TJP1: variants seen among roughly 807,000 people sequenced by gnomAD.
TJP1 encodes the protein tight junction protein ZO-1.
In TJP1, 43 loss-of-function variants were observed where a neutral mutation model predicts 194.2. The ratio of observed to expected loss-of-function variants is 0.22; its 90% confidence interval spans 0.17 to 0.29. The LOEUF (loss-of-function observed/expected upper bound fraction) is 0.29. TJP1 is among the 10% of genes least tolerant of loss of function. The pLI is 1.00. For synonymous variants in TJP1, 801 were observed against 779.0 expected (o/e 1.03, Z -0.47); for missense variants, 1,971 against 2,185.7 (o/e 0.90, Z 1.96).
In TJP1 at chr15:29,874,261, C is replaced by T. The variant is rs542027567; in HGVS notation, c.307-73559G>A. The stretch of plus-strand genomic sequence containing the variant: ...TGAGAAGGAGGGTGACAGAAGAGAA[C>T]GCCTGCAGGGTGACAGTAAAGGAGT... On this transcript the variant is annotated intron_variant, in intron 2 of 28. Coordinates refer to the TJP1 transcript ENST00000356107. Among the ~76,000 whole-genome samples the T allele has an allele frequency of 3.3e-5, 5 of 152,296 alleles. No homozygotes were observed. In the East Asian group the frequency reaches 7.7e-4, roughly 24 times the overall value.
chr15:29,877,678 TGA>T (rs1015118350), intron 2 of TJP1, among the ~76,000 whole-genome samples: 7 of 151,112 alleles, frequency 4.6e-5, no homozygotes, highest in African/African-American at 1.7e-4. Context: ...CTTTTTTTTT[TGA>T]GAGAGTCTCA....
chr15:29,869,644 C>T (rs2052426093), intron 2 of TJP1, among the ~76,000 whole-genome samples: 1 of 152,036 alleles, frequency 6.6e-6, no homozygotes, highest in Non-Finnish European at 1.5e-5. Context: ...GGCGACTTAT[C>T]AGTCCCTTGA....
intron 2 of TJP1, among the ~76,000 whole-genome samples, chr15:29,894,580 C>T (rs1329596283): frequency 1.3e-5 from 2 of 152,204 alleles, no homozygotes; most frequent in African/African-American, 2.4e-5. Flanking sequence ...GGCAGCCAAA[C>T]CCCATGGCTT....
chr15:29,862,499 G>A (rs2152104076), intron 2 of TJP1, among the ~76,000 whole-genome samples: 1 of 152,176 alleles, frequency 6.6e-6, no homozygotes, highest in Non-Finnish European at 1.5e-5. Context: ...CCTCTCAGCT[G>A]GAATGTTATG....
chr15:29,959,940 G>T (rs926911852), intron 1 of TJP1, among the ~76,000 whole-genome samples: 1 of 152,036 alleles, frequency 6.6e-6, no homozygotes, highest in African/African-American at 2.4e-5. Flanking sequence ...TGAAAACAAT[G>T]AACTTTATTC....
intron 2 of TJP1, among the ~76,000 whole-genome samples, chr15:29,832,334 A>G (rs2050862291): frequency 6.6e-6 from 1 of 152,108 alleles, no homozygotes; most frequent in Non-Finnish European, 1.5e-5. Flanking sequence ...GAGTGAGGGA[A>G]TTGTAGACCA....
intron 2 of TJP1, among the ~76,000 whole-genome samples, chr15:29,868,549 G>T (rs1042668003): frequency 1.3e-5 from 2 of 152,156 alleles, no homozygotes; most frequent in African/African-American, 4.8e-5. Flanking sequence ...GTCAAGCACA[G>T]TGTCTACCAC....
At chr15:29,710,279 T>A (rs1028478358) in intron 24 of TJP1, among the ~76,000 whole-genome samples, 16 of 152,062 alleles carry the variant, frequency 1.1e-4, no homozygotes, top group African/African-American at 3.1e-4. Flanking sequence ...CTATAACACA[T>A]CTGCTTGAAG....
chr15:29,883,582 T>C (rs1398035130), intron 2 of TJP1, among the ~76,000 whole-genome samples: 1 of 151,158 alleles, frequency 6.6e-6, no homozygotes, highest in Non-Finnish European at 1.5e-5. Context: ...TACGTGTCCT[T>C]TTTTTTTTCC....
intron 2 of TJP1, among the ~76,000 whole-genome samples, chr15:29,848,970 A>C (rs2051528155): frequency 6.6e-6 from 1 of 152,172 alleles, no homozygotes; most frequent in Non-Finnish European, 1.5e-5. Flanking sequence ...TTTTCACATA[A>C]GATAAATAGA....
intron 1 of TJP1, chr15:29,821,636 G>A (rs1198088421): frequency 6.6e-6 from 1 of 152,298 alleles, no homozygotes; most frequent in African/African-American, 2.4e-5. Context: ...CCCGCTGAGA[G>A]CCGGCTTCCA....
chr15:29,871,882 T>C (rs1324087159), intron 2 of TJP1, among the ~76,000 whole-genome samples: 3 of 152,192 alleles, frequency 2.0e-5, no homozygotes, highest in Non-Finnish European at 4.4e-5. Flanking sequence ...CCATAAGACA[T>C]GAGAAGTATA....
intron 2 of TJP1, among the ~76,000 whole-genome samples, chr15:29,889,616 A>G (rs1159132992): frequency 1.3e-5 from 2 of 152,140 alleles, no homozygotes; most frequent in Non-Finnish European, 2.9e-5. Context: ...GCATTAACTC[A>G]CCCCAACCTC....
At chr15:29,868,959 A>C (rs1050163012) in intron 2 of TJP1, among the ~76,000 whole-genome samples, 3 of 152,208 alleles carry the variant, frequency 2.0e-5, no homozygotes, top group African/African-American at 7.2e-5. Flanking sequence ...TCACAACAAC[A>C]AATTAAAAAT....
chr15:29,798,968 A>G (rs1420367229), intron 2 of TJP1, among the ~76,000 whole-genome samples: 1 of 152,230 alleles, frequency 6.6e-6, no homozygotes. Flanking sequence ...GTACAAAAAG[A>G]AACCATATCA....
At position 29,778,049 on chromosome 15, in the gene TJP1, C is replaced by T. The variant is rs188115680; in HGVS notation, c.85-4692G>A. ...AAAAACATAAAAAGATTAAAAAAAA[C>T]CAAAAACATTAGGAACTTTCAATAA... is the stretch of plus-strand genomic sequence containing the variant. On this transcript the variant is annotated intron_variant, in intron 2 of 27. Transcript: ENST00000614355. 6.0e-4 allele frequency among the ~76,000 whole-genome samples: 91 copies of T among 151,976 alleles called. 1 individual carries two copies. The South Asian group carries it at 0.018, about 30-fold the overall frequency.
rs147179356 is a variant in TJP1 at position 29,717,652 on chromosome 15, A to G, written c.3974+369T>C. On this transcript the variant is annotated intron_variant, in intron 22 of 27. Transcript: ENST00000614355. The stretch of plus-strand genomic sequence containing the variant: ...TGCATGCTCACTAAATGATTTAGTT[A>G]TCTTAACCAATCTGAGTCTGTTTCC... Among the ~76,000 whole-genome samples, 5 of 152,370 alleles carry G rather than the reference A, an allele frequency of 3.3e-5. No homozygotes were observed. In the East Asian group the frequency reaches 9.6e-4, roughly 29 times the overall value.
At chr15:29,904,026 G>T (rs2053722501) in intron 2 of TJP1, among the ~76,000 whole-genome samples, 1 of 152,034 alleles carries the variant, frequency 6.6e-6, no homozygotes, top group Non-Finnish European at 1.5e-5. Context: ...TGGGTGTGAG[G>T]GCTAAAAATA....
At chr15:29,933,621 G>A (rs555476165) in intron 2 of TJP1, among the ~76,000 whole-genome samples, 1 of 152,258 alleles carries the variant, frequency 6.6e-6, no homozygotes, top group East Asian at 1.9e-4. Context: ...ATAGGGATAT[G>A]TGCATATTTA....
Sources: allele counts gnomAD v4.1 joint callset (sites outside exome capture counted in the v4.1 genomes callset), GRCh38; gene constraint gnomAD v4.1.1; transcripts MANE v1.5; gene names NCBI Gene and HGNC (gene_info 2026-07-23, HGNC 2026-07-21).